Variants in WDR59 observed in about 807,000 individuals in gnomAD.
WDR59 encodes WD repeat domain 59, also known as GATOR2 complex protein WDR59.
Under a neutral mutation model 131.2 loss-of-function variants are expected in WDR59, and 100 were observed. The ratio of observed to expected loss-of-function variants is 0.76; its 90% CI spans 0.65 to 0.90. WDR59 has a LOEUF of 0.90. WDR59 is among the 40% of genes least tolerant of loss of function. WDR59 has a pLI of 0.00. For synonymous variants in WDR59, 601 were observed against 466.2 expected, an observed-to-expected ratio of 1.29 and a Z score of -3.72; for missense variants, 1,203 against 1,262.2, an observed-to-expected ratio of 0.95 and a Z score of 0.71.
chr16:74,936,368 T>C (rs533932539), intron 8 of WDR59, among the ~76,000 whole-genome samples: 16 of 152,270 alleles, frequency 1.1e-4, no homozygotes, highest in Non-Finnish European at 2.4e-4. Context: ...CCCAGGAAAC[T>C]GGCTGTTACC....
intron 1 of WDR59, among the ~76,000 whole-genome samples, chr16:74,975,308 C>T (rs2034138489): frequency 6.6e-6 from 1 of 152,054 alleles, no homozygotes; most frequent in Non-Finnish European, 1.5e-5. Flanking sequence ...ATGCAGTGAG[C>T]CTATATCGCG....
At chr16:74,948,948 AGATCGTG>A (rs1567423326) in intron 5 of WDR59, among the ~76,000 whole-genome samples, 8 of 152,190 alleles carry the variant, frequency 5.3e-5, no homozygotes, top group Non-Finnish European at 1.0e-4. Flanking sequence ...CAGTGAGCCA[AGATCGTG>A]CCATTGCACT....
chr16:74,965,686 A>T, intron 2 of WDR59, 87 bp downstream of exon 2: 16 of 1,500,006 alleles, frequency 1.1e-5, no homozygotes, highest in South Asian at 3.4e-5. Context: ...ATCCGTAAAT[A>T]TAAGAATAGC....
At position 74,909,225 on chromosome 16, in the gene WDR59, C is replaced by G. The variant is rs558647889; in HGVS notation, c.1643-248G>C. Among the ~76,000 whole-genome samples, 239 of 152,016 alleles carry G rather than the reference C, an allele frequency of 1.6e-3. 5 individuals are homozygous for G. The South Asian group carries it at 0.043, about 27-fold the overall frequency. On this transcript the variant is annotated intron_variant, in intron 16 of 25. Coordinates refer to ENST00000262144, the MANE Select transcript of WDR59 (RefSeq NM_030581.4). ...CAGGACTCTAAGCCTCCCTACCAGG[C>G]GAATGCCCCCTGCTAAGAATCAGGG...
intron 14 of WDR59, among the ~76,000 whole-genome samples, chr16:74,910,548 G>A (rs1421292565): frequency 6.6e-6 from 1 of 152,158 alleles, no homozygotes; most frequent in Non-Finnish European, 1.5e-5. Context: ...TGCTCCATGA[G>A]AAACGTCAGT....
intron 1 of WDR59, among the ~76,000 whole-genome samples, chr16:74,976,544 C>T (rs1406743283): frequency 1.3e-5 from 2 of 151,442 alleles, no homozygotes; most frequent in South Asian, 2.1e-4. Context: ...TGGGTTCGAG[C>T]GATTCTCCTG....
At chr16:74,907,059 T>TACA (rs1265311362) in intron 17 of WDR59, among the ~76,000 whole-genome samples, 2 of 152,150 alleles carry the variant, frequency 1.3e-5, no homozygotes, top group Non-Finnish European at 2.9e-5. Context: ...ACAGGACTGT[T>TACA]TTCTACTCCA....
intron 3 of WDR59, among the ~76,000 whole-genome samples, chr16:74,951,990 T>G (rs2033028571): frequency 6.7e-6 from 1 of 150,260 alleles, no homozygotes; most frequent in South Asian, 2.1e-4. Flanking sequence ...AGGTTTTTGT[T>G]TTTTTTTTTT....
At chr16:74,908,790 G>C in intron 17 of WDR59, 118 bp downstream of exon 17, 1 of 676,428 alleles carries the variant, frequency 1.5e-6, no homozygotes, top group Non-Finnish European at 2.5e-6. Context: ...TCTTATAATG[G>C]GAGTTTACTG....
At chr16:74,948,089 A>G (rs930378417) in intron 6 of WDR59, among the ~76,000 whole-genome samples, 1 of 152,118 alleles carries the variant, frequency 6.6e-6, no homozygotes, top group African/African-American at 2.4e-5. Context: ...AAAAAATCAC[A>G]AGGGGGATGA....
intron 25 of WDR59, among the ~76,000 whole-genome samples, chr16:74,884,695 C>T (rs1021061621): frequency 1.3e-5 from 2 of 152,258 alleles, no homozygotes; most frequent in East Asian, 3.9e-4. Flanking sequence ...CTGATATAAC[C>T]CTAAGTTCTC....
chr16:74,919,793 G>C (rs1005916691), intron 10 of WDR59, among the ~76,000 whole-genome samples: 1 of 152,146 alleles, frequency 6.6e-6, no homozygotes, highest in Non-Finnish European at 1.5e-5. Context: ...ACAATATCCT[G>C]ACTCACTTCC....
At chr16:74,955,051 A>C (rs566074591) in intron 3 of WDR59, among the ~76,000 whole-genome samples, 1 of 152,368 alleles carries the variant, frequency 6.6e-6, no homozygotes, top group South Asian at 2.1e-4. Flanking sequence ...GGTGGTGGTT[A>C]TACAACATGT....
At chr16:74,954,622 A>G (rs1322051080) in intron 3 of WDR59, among the ~76,000 whole-genome samples, 1 of 152,218 alleles carries the variant, frequency 6.6e-6, no homozygotes, top group Non-Finnish European at 1.5e-5. Context: ...GAATTACCAT[A>G]TGACCCTGCA....
At chr16:74,965,140 C>T (rs1451207775) in intron 2 of WDR59, among the ~76,000 whole-genome samples, 2 of 152,084 alleles carry the variant, frequency 1.3e-5, no homozygotes, top group Non-Finnish European at 2.9e-5. Context: ...CCTTGGCTCA[C>T]GTGGTCCTCC....
chr16:74,876,401 G>A (rs1567679191), intron 25 of WDR59, among the ~76,000 whole-genome samples: 1 of 152,144 alleles, frequency 6.6e-6, no homozygotes, highest in African/African-American at 2.4e-5. Context: ...CCAACATTAT[G>A]AGAATGTAAA....
At chr16:74,900,069 AG>A (rs1965477160) in intron 18 of WDR59, among the ~76,000 whole-genome samples, 1 of 152,226 alleles carries the variant, frequency 6.6e-6, no homozygotes, top group African/African-American at 2.4e-5. Context: ...AATAGGTTTG[AG>A]GAACACTAAC....
intron 1 of WDR59, among the ~76,000 whole-genome samples, chr16:74,966,866 C>G (rs1227066862): frequency 1.3e-5 from 2 of 152,216 alleles, no homozygotes; most frequent in Non-Finnish European, 2.9e-5. Context: ...TCCCAAGAGA[C>G]TGCAATGAGT....
chr16:74,914,023 A>G (rs950580184), intron 13 of WDR59, among the ~76,000 whole-genome samples: 1 of 152,210 alleles, frequency 6.6e-6, no homozygotes, highest in Admixed American at 6.5e-5. Context: ...CCTGGCCAAC[A>G]TGGCAAAAAC....
Sources: gnomAD v4.1 joint callset for allele counts (sites outside exome capture counted in the v4.1 genomes callset) on GRCh38, gnomAD v4.1.1 for gene constraint, MANE v1.5 for transcripts, NCBI Gene and HGNC (gene_info 2026-07-23, HGNC 2026-07-21) for gene names.